RPGR: variants seen among roughly 807,000 people sequenced by gnomAD.
RPGR encodes the protein X-linked retinitis pigmentosa GTPase regulator.
RPGR carries 10 observed loss-of-function variants against 56.3 expected under a neutral mutation model. That is an observed-to-expected ratio of 0.18 (90% CI 0.11 to 0.30). The LOEUF is 0.30. Ranked by LOEUF, RPGR falls within the 10% of genes least tolerant of loss-of-function variation. The pLI is 1.00. For missense variants in RPGR, 538 were observed against 590.9 expected (o/e 0.91, Z 0.93); for synonymous variants, 197 against 212.9 (o/e 0.93, Z 0.65).
Position 38,273,337 on chromosome X carries a change from C to A in RPGR, c.2241+49G>T, listed in dbSNP as rs750362532. The A allele has an allele frequency of 8.9e-6, 9 of 1,012,649 alleles. No homozygotes were observed. In the Admixed American group the frequency reaches 2.2e-4, roughly 25 times the overall value. 83.5% of individuals were successfully genotyped at this position (1,012,649 alleles called of 1,213,427 possible). On this transcript the variant is annotated intron_variant, in intron 18 of 18. Coordinates refer to ENST00000642395, the MANE Select transcript of RPGR (RefSeq NM_000328.3). ...GTGGATTGCCATATGAAAAGTAAAA[C>A]AAACAATTGAATTCAAAAGGATCAA... is the stretch of plus-strand genomic sequence containing the variant.
At chrX:38,307,488 A>T (rs1211343277) in intron 7 of RPGR, among the ~76,000 whole-genome samples, 2 of 112,515 alleles carry the variant, frequency 1.8e-5, no homozygotes, top group Non-Finnish European at 3.8e-5. Flanking sequence ...ACTTTTGAAA[A>T]ACAAGGCTGG....
chrX:38,277,731 A>G (rs2066961014), intron 15 of RPGR, among the ~76,000 whole-genome samples: 1 of 111,919 alleles, frequency 8.9e-6, no homozygotes, highest in African/African-American at 3.2e-5. Flanking sequence ...CCCCTTCAAC[A>G]CTGTAATTAG....
chrX:38,296,751 AAGTCAGCCACACAGCT>A (rs1177425861), intron 11 of RPGR, among the ~76,000 whole-genome samples: 1 of 111,676 alleles, frequency 9.0e-6, no homozygotes, highest in Non-Finnish European at 1.9e-5. Context: ...AACTTTCCCA[AAGTCAGCCACACAGCT>A]AGTAAATGTC....
chrX:38,310,976 GACT>G (rs1409029764), intron 6 of RPGR, among the ~76,000 whole-genome samples: 1 of 111,830 alleles, frequency 8.9e-6, no homozygotes, highest in Non-Finnish European at 1.9e-5. Flanking sequence ...AAAAATTCAT[GACT>G]ACCACTACTA....
At position 38,286,681 on chromosome X, in the gene RPGR, C is replaced by T. The variant is rs753869899; in HGVS notation, c.1905+413G>A. ...CGCTCTTTCCTCCTTTTTCCTCTCT[C>T]CTTCCTCCTTTTCACGTTCTCCCTC... is the stretch of plus-strand genomic sequence containing the variant. On this transcript the variant is annotated intron_variant, in intron 15 of 18. Transcript: ENST00000642395. 9.7e-6 allele frequency: 11 copies of T among 1,137,761 alleles called. No individual in the cohort carries two copies. The African/African-American group carries it at 1.9e-4, about 20-fold the overall frequency. 93.8% of individuals were successfully genotyped at this position (1,137,761 alleles called of 1,213,427 possible). A position where few individuals can be genotyped will look rare whatever the true frequency, so the allele number is the denominator to read the frequency against.
intron 16 of RPGR, among the ~76,000 whole-genome samples, chrX:38,276,356 G>T (rs1415261439): frequency 9.0e-6 from 1 of 111,717 alleles, no homozygotes; most frequent in Non-Finnish European, 1.9e-5. Flanking sequence ...TTCCACTCAT[G>T]CGGGAGGCAG....
rs1169756982 is a variant in RPGR, at chrX:38,327,381, C to T, written c.-14G>A. ...CGGCTCCCTCATGCCACGGGCAGTACGGGCAGCCTGCGCCGGGGCCAGGAG... is the reference window on the plus strand; with the variant it reads ...CGGCTCCCTCATGCCACGGGCAGTATGGGCAGCCTGCGCCGGGGCCAGGAG... On this transcript the variant is annotated 5_prime_UTR_variant, in exon 1 of 19. Coordinates refer to ENST00000642395, the MANE Select transcript of RPGR (RefSeq NM_000328.3). 8.5e-7 allele frequency: 1 copy of T among 1,182,900 alleles called. No homozygotes were observed. The highest frequency in any genetic ancestry group is 1.7e-5 in the African/African-American group (1 of 57,236).
chrX:38,274,417 CTAGCAGTG>C lies in RPGR; in HGVS notation c.2149+664_2149+671del, dbSNP rs2066893944. Among the ~76,000 whole-genome samples, 3 of 112,006 alleles carry C rather than the reference CTAGCAGTG, an allele frequency of 2.7e-5. No individual in the cohort carries two copies. In the South Asian group the frequency reaches 1.1e-3, roughly 41 times the overall value. ...TCCCAACTTGGTTGGGCAATGGAGT[CTAGCAGTG>C]TGCACTAGAGATATAAATTGGAATT... On this transcript the variant is annotated intron_variant, in intron 17 of 18. Transcript: ENST00000642395.
At chrX:38,319,160 G>A (rs1477712949) in intron 4 of RPGR, among the ~76,000 whole-genome samples, 173 bp from the exon 5 acceptor site, 2 of 112,168 alleles carry the variant, frequency 1.8e-5, no homozygotes, top group African/African-American at 6.5e-5. Flanking sequence ...AAACAAGCAA[G>A]GCCACATATT....
At chrX:38,273,975 A>C (rs2066886161) in intron 17 of RPGR, 1 of 112,684 alleles carries the variant, frequency 8.9e-6, no homozygotes, top group African/African-American at 3.2e-5. Flanking sequence ...TATGTTAAGA[A>C]TACTTATAGG....
chrX:38,317,696 A>G, intron 5 of RPGR: 1 of 339,811 alleles, frequency 2.9e-6, no homozygotes, highest in Non-Finnish European at 5.1e-6. Context: ...AAATCACTTA[A>G]GTCCTGACCA....
intron 7 of RPGR, among the ~76,000 whole-genome samples, chrX:38,309,420 G>T (rs1196466875): frequency 1.8e-5 from 2 of 112,339 alleles, no homozygotes; most frequent in South Asian, 3.6e-4. Context: ...TTCTCCAAAA[G>T]AAGGCATTTC....
chrX:38,298,490 T>C, intron 10 of RPGR: 1 of 286,913 alleles, frequency 3.5e-6, no homozygotes, highest in Non-Finnish European at 6.5e-6. Flanking sequence ...ATAATTAAGT[T>C]CTACAGATTT....
At chrX:38,315,638 T>G (rs1003517920) in intron 6 of RPGR, among the ~76,000 whole-genome samples, 4 of 110,892 alleles carry the variant, frequency 3.6e-5, no homozygotes, top group African/African-American at 1.3e-4. Flanking sequence ...TAGTATTTGA[T>G]AGCACAACAG....
At chrX:38,283,976 G>T (rs774355420) in intron 15 of RPGR, among the ~76,000 whole-genome samples, 1 of 111,893 alleles carries the variant, frequency 8.9e-6, no homozygotes, top group African/African-American at 3.2e-5. Context: ...GCAATGCAAT[G>T]CCAAATCAGT....
chrX:38,274,689 C>T (rs1422664129), intron 17 of RPGR, among the ~76,000 whole-genome samples: 10 of 111,340 alleles, frequency 9.0e-5, no homozygotes, highest in Non-Finnish European at 1.9e-4. Flanking sequence ...GTGGCACACG[C>T]CTGTAATCCC....
At chrX:38,288,131 C>T (rs2067222409) in intron 13 of RPGR, 90 bp from the exon 14 acceptor site, 3 of 850,601 alleles carry the variant, frequency 3.5e-6, no homozygotes, top group Admixed American at 2.5e-5. Flanking sequence ...CAAGATTTTA[C>T]ATTTTTATAA....
intron 1 of RPGR, chrX:38,325,920 G>A (rs1411555393): frequency 1.8e-5 from 2 of 111,684 alleles, no homozygotes; most frequent in Non-Finnish European, 3.8e-5. Flanking sequence ...TCCCAAGGTG[G>A]GTGATCACAC....
At chrX:38,295,284 A>G (rs1006943163) in intron 11 of RPGR, among the ~76,000 whole-genome samples, 1 of 112,015 alleles carries the variant, frequency 8.9e-6, no homozygotes, top group Admixed American at 9.5e-5. Flanking sequence ...AGCTTAAATG[A>G]CAACTCCTTA....
Sources: allele counts gnomAD v4.1 joint callset (sites outside exome capture counted in the v4.1 genomes callset), GRCh38; gene constraint gnomAD v4.1.1; transcripts MANE v1.5; gene names NCBI Gene and HGNC (gene_info 2026-07-23, HGNC 2026-07-21).